The following SRL variants were observed in gnomAD, a reference collection of about 807,000 sequenced individuals.
SRL encodes the protein sarcalumenin.
A neutral mutation model predicts 39.5 loss-of-function variants in SRL; 23 were observed. The ratio of observed to expected loss-of-function variants is 0.58; its 90% CI spans 0.42 to 0.82. The LOEUF is 0.82. SRL is among the 40% of genes least tolerant of loss of function. The probability of loss-of-function intolerance (pLI) is 0.00; values close to 1 mark genes in which losing one functional copy is unlikely to be tolerated. For missense variants in SRL, 592 were observed against 607.8 expected, an observed-to-expected ratio of 0.97 and a Z score of 0.27; for synonymous variants, 272 against 237.4, an observed-to-expected ratio of 1.15 and a Z score of -1.34.
chr16:4,223,009 C>T (rs2052547232), intron 1 of SRL, among the ~76,000 whole-genome samples: 1 of 151,882 alleles, frequency 6.6e-6, no homozygotes, highest in African/African-American at 2.4e-5. Context: ...GCGGGAAGAT[C>T]ACTTGAGGTC....
intron 1 of SRL, among the ~76,000 whole-genome samples, chr16:4,228,642 G>A (rs1052025649): frequency 1.3e-5 from 2 of 151,362 alleles, no homozygotes; most frequent in African/African-American, 4.9e-5. Flanking sequence ...GGTTGAGGCA[G>A]GAGAATGGAG....
chr16:4,199,659 G>A (rs996367484), intron 3 of SRL, among the ~76,000 whole-genome samples: 34 of 147,762 alleles, frequency 2.3e-4, no homozygotes, highest in African/African-American at 7.0e-4. Flanking sequence ...GCATGAGCCC[G>A]GCACCCAGCC....
At chr16:4,227,438 T>C (rs546717787) in intron 1 of SRL, among the ~76,000 whole-genome samples, 1 of 150,822 alleles carries the variant, frequency 6.6e-6, no homozygotes, top group Admixed American at 6.6e-5. Context: ...GAAGGATGGA[T>C]GTGTGGGTGC....
intron 1 of SRL, among the ~76,000 whole-genome samples, chr16:4,213,994 C>T (rs1416975051): frequency 6.6e-6 from 1 of 152,192 alleles, no homozygotes. Context: ...ACCTGCTGAG[C>T]TGTTCAAGCC....
chr16:4,197,258 C>T (rs1419226573), intron 4 of SRL, among the ~76,000 whole-genome samples: 3 of 151,086 alleles, frequency 2.0e-5, no homozygotes, highest in South Asian at 2.1e-4. Context: ...TTAGTAGAGA[C>T]GGGGTTTCAC....
chr16:4,206,810 C>G (rs758477156), intron 1 of SRL: 1 of 456,750 alleles, frequency 2.2e-6, no homozygotes, highest in Non-Finnish European at 4.4e-6. Context: ...TCTCACTGCC[C>G]ATGGACTCTG....
intron 1 of SRL, among the ~76,000 whole-genome samples, chr16:4,211,268 C>T (rs190169902): frequency 1.3e-5 from 2 of 152,350 alleles, no homozygotes; most frequent in Non-Finnish European, 2.9e-5. Context: ...CCTCCCTACT[C>T]GCAGGCCCAC....
intron 1 of SRL, among the ~76,000 whole-genome samples, chr16:4,225,954 G>T (rs1467534781): frequency 6.6e-6 from 1 of 152,078 alleles, no homozygotes; most frequent in African/African-American, 2.4e-5. Context: ...ACTGTGTCCA[G>T]CCACTCTGGA....
chr16:4,203,425 G>A (rs1254410267), intron 2 of SRL, among the ~76,000 whole-genome samples, 164 bp from the exon 3 acceptor site: 3 of 152,216 alleles, frequency 2.0e-5, no homozygotes, highest in Non-Finnish European at 2.9e-5. Context: ...CATATGGGGA[G>A]CTGGCCCACA....
chr16:4,227,307 G>A (rs2052604573), intron 1 of SRL, among the ~76,000 whole-genome samples: 2 of 151,334 alleles, frequency 1.3e-5, no homozygotes, highest in African/African-American at 4.9e-5. Context: ...GATGACGGAT[G>A]GATGGGTGGA....
intron 3 of SRL, among the ~76,000 whole-genome samples, chr16:4,199,696 T>TC (rs954525244): frequency 2.2e-5 from 3 of 137,576 alleles, no homozygotes; most frequent in African/African-American, 8.3e-5. Context: ...TCTTTTCCTT[T>TC]TTTTTTTTTT....
intron 1 of SRL, among the ~76,000 whole-genome samples, chr16:4,235,458 G>A (rs1250847496): frequency 3.9e-5 from 6 of 152,228 alleles, no homozygotes; most frequent in Non-Finnish European, 7.3e-5. Context: ...CACTTTGGGA[G>A]ACCAAGGCAG....
At chr16:4,209,841 T>A (rs938228106) in intron 1 of SRL, among the ~76,000 whole-genome samples, 1 of 152,222 alleles carries the variant, frequency 6.6e-6, no homozygotes, top group Non-Finnish European at 1.5e-5. Flanking sequence ...ATCTTTGCCC[T>A]GCCCTAGATA....
intron 1 of SRL, among the ~76,000 whole-genome samples, chr16:4,215,021 G>A (rs1250306834): frequency 6.6e-6 from 1 of 152,152 alleles, no homozygotes; most frequent in African/African-American, 2.4e-5. Flanking sequence ...ACCCGCCTCA[G>A]CCTCCCAAAG....
At chr16:4,199,345 T>C (rs1223737899) in intron 3 of SRL, among the ~76,000 whole-genome samples, 1 of 150,444 alleles carries the variant, frequency 6.6e-6, no homozygotes, top group Admixed American at 6.7e-5. Context: ...GCAATATTTG[T>C]AGCTAACATA....
chr16:4,218,979 C>A (rs375610990), intron 1 of SRL, among the ~76,000 whole-genome samples: 1 of 152,270 alleles, frequency 6.6e-6, no homozygotes, highest in Non-Finnish European at 1.5e-5. Flanking sequence ...AGGGTGTCAC[C>A]GAATCCATGA....
intron 1 of SRL, among the ~76,000 whole-genome samples, chr16:4,239,385 G>A (rs945183628): frequency 6.6e-6 from 1 of 152,234 alleles, no homozygotes; most frequent in African/African-American, 2.4e-5. Context: ...GGAAGGATGA[G>A]ATGGACAGGA....
chr16:4,221,853 T>C (rs2052534619), intron 1 of SRL, among the ~76,000 whole-genome samples: 1 of 152,182 alleles, frequency 6.6e-6, no homozygotes, highest in East Asian at 1.9e-4. Flanking sequence ...GGCTTGTGGC[T>C]GCGTCACTCC....
At chr16:4,206,726 C>T (rs1055431204) in intron 1 of SRL, 7 of 451,584 alleles carry the variant, frequency 1.6e-5, no homozygotes, top group African/African-American at 1.5e-4. Context: ...TTAATTCCTA[C>T]CCTGGGCAAC....
Sources: allele counts gnomAD v4.1 joint callset (sites outside exome capture counted in the v4.1 genomes callset), GRCh38; gene constraint gnomAD v4.1.1; transcripts MANE v1.5; gene names NCBI Gene and HGNC (gene_info 2026-07-23, HGNC 2026-07-21).